ZNRF3: variants seen among roughly 807,000 people sequenced by gnomAD.
The protein encoded by ZNRF3 is E3 ubiquitin-protein ligase ZNRF3.
In ZNRF3, 23 loss-of-function variants were observed where a neutral mutation model predicts 72.5. That is an observed-to-expected ratio of 0.32 (90% CI 0.23 to 0.45). The LOEUF is 0.45. Ranked by LOEUF, ZNRF3 falls within the 20% of genes least tolerant of loss-of-function variation. ZNRF3 has a pLI of 1.00. For missense variants in ZNRF3, 1,169 were observed against 1,272.1 expected (o/e 0.92, Z 1.23); for synonymous variants, 610 against 545.3 (o/e 1.12, Z -1.65).
chr22:29,032,138 CTCCA>C, intron 2 of ZNRF3, among the ~76,000 whole-genome samples: 1 of 152,344 alleles, frequency 6.6e-6, no homozygotes, highest in South Asian at 2.1e-4. Flanking sequence ...GCAGGATGAA[CTCCA>C]TCAGTCTTTT....
At chr22:28,903,818 T>C (rs132534) in intron 1 of ZNRF3, among the ~76,000 whole-genome samples, 100,698 of 151,950 alleles carry the variant, frequency 0.66, 34,402 homozygotes, top group Admixed American at 0.76. Flanking sequence ...ACTGGGAACT[T>C]GTCCTGGATT....
chr22:28,975,253 C>T (rs1425265359), intron 1 of ZNRF3, among the ~76,000 whole-genome samples: 1 of 152,020 alleles, frequency 6.6e-6, no homozygotes, highest in Non-Finnish European at 1.5e-5. Context: ...CCTGTAATCC[C>T]AGCACTTTGG....
At chr22:28,960,965 T>C (rs2035347916) in intron 1 of ZNRF3, among the ~76,000 whole-genome samples, 1 of 152,242 alleles carries the variant, frequency 6.6e-6, no homozygotes, top group Non-Finnish European at 1.5e-5. Context: ...GTTTATCTTT[T>C]TAACATAAAG....
At chr22:29,038,983 C>G (rs1007505119) in intron 2 of ZNRF3, among the ~76,000 whole-genome samples, 6 of 150,894 alleles carry the variant, frequency 4.0e-5, no homozygotes, top group African/African-American at 4.9e-5. Context: ...GAGAGAGAGA[C>G]AGATTCAAAC....
chr22:28,924,504 C>G (rs1440394670), intron 1 of ZNRF3, among the ~76,000 whole-genome samples: 1 of 152,004 alleles, frequency 6.6e-6, no homozygotes, highest in East Asian at 1.9e-4. Flanking sequence ...CATCTCAGTG[C>G]TTTGGGAGGT....
chr22:29,017,641 G>C (rs1221926461), intron 2 of ZNRF3, among the ~76,000 whole-genome samples: 1 of 152,070 alleles, frequency 6.6e-6, no homozygotes, highest in Non-Finnish European at 1.5e-5. Flanking sequence ...CATATCATTT[G>C]TCATCCAAGC....
intron 1 of ZNRF3, among the ~76,000 whole-genome samples, chr22:28,896,722 A>G (rs942350259): frequency 2.0e-5 from 3 of 152,254 alleles, no homozygotes; most frequent in African/African-American, 7.2e-5. Flanking sequence ...GGTGGTGAGC[A>G]GACAGCTAAT....
At position 28,987,209 on chromosome 22, in the gene ZNRF3, C is replaced by T; in HGVS notation, c.426+8C>T. On this transcript the variant is annotated splice_region_variant and intron_variant, in intron 2 of 8. Transcript: ENST00000544604. ...CTCACTGTCCTAGGCAAGGTAAGCA[C>T]CAGGCCCTTGGAATCACTGTGTTTC... 6.2e-7 allele frequency: 1 copy of T among 1,604,850 alleles called. No homozygotes were observed. Among genetic ancestry groups the T allele is most frequent in the South Asian group, 1.1e-5 (1 of 89,002 alleles).
chr22:28,953,386 G>A (rs1053917391), intron 1 of ZNRF3, among the ~76,000 whole-genome samples: 6 of 152,178 alleles, frequency 3.9e-5, no homozygotes, highest in Admixed American at 2.6e-4. Flanking sequence ...TGAGGCCACA[G>A]CCTGTGAGAA....
chr22:28,897,349 C>G (rs1169177452), intron 1 of ZNRF3, among the ~76,000 whole-genome samples: 1 of 152,218 alleles, frequency 6.6e-6, no homozygotes, highest in Non-Finnish European at 1.5e-5. Context: ...CAGAATCTCA[C>G]TCTGTCACCC....
Position 28,941,835 on chromosome 22 carries a change from C to T in ZNRF3, c.301-45241C>T, listed in dbSNP as rs372462585. Among the ~76,000 whole-genome samples, 216 of 152,002 alleles carry T rather than the reference C, an allele frequency of 1.4e-3. 2 individuals carry two copies. The highest frequency in any genetic ancestry group is 4.7e-3 in the African/African-American group (194 of 41,456). On this transcript the variant is annotated intron_variant, in intron 1 of 8. Transcript: ENST00000544604. ...CTGAGGTGGGAGAATCTCTTGAACC[C>T]GGGAGGTGGAAGGGGAGGCTGAGGT...
intron 1 of ZNRF3, among the ~76,000 whole-genome samples, chr22:28,945,086 G>A (rs1181956498): frequency 2.6e-5 from 4 of 151,632 alleles, no homozygotes; most frequent in Non-Finnish European, 5.9e-5. Flanking sequence ...GGGAGGCTGA[G>A]GTGGGTGGAT....
rs761341292 is a variant in ZNRF3 at position 29,049,542 on chromosome 22, G to A, written c.1361G>A (p.Arg454His). ...TTCCGCAGGCCCAAGTTGAGTGGCC[G>A]CAGCTTCTCCAAGGCAGCTTGCTTC... ...HPFRRPKLSG[R>H]SFSKAACFSQ... is the part of the protein sequence containing the mutation. Residue 454 changes from arginine to histidine, a missense_variant, in exon 8 of 9, where the codon CGC becomes CAC. By Grantham distance (29) the Arg-to-His change is conservative. Coordinates refer to ENST00000544604, the MANE Select transcript of ZNRF3 (RefSeq NM_001206998.2). The surrounding 1 kb of genome is among the most constrained non-coding windows in gnomAD (Gnocchi z 5.2). The A allele has an allele frequency of 3.1e-6, 5 of 1,604,130 alleles. No homozygotes were observed. Among genetic ancestry groups the A allele is most frequent in the Admixed American group, 1.7e-5 (1 of 59,740 alleles).
chr22:28,944,515 G>A (rs2035010809), intron 1 of ZNRF3, among the ~76,000 whole-genome samples: 1 of 152,190 alleles, frequency 6.6e-6, no homozygotes, highest in African/African-American at 2.4e-5. Context: ...AGCACTCTGG[G>A]AGGCCGAGGC....
intron 1 of ZNRF3, among the ~76,000 whole-genome samples, chr22:28,893,794 G>A (rs1311928277): frequency 6.7e-6 from 1 of 150,114 alleles, no homozygotes; most frequent in Non-Finnish European, 1.5e-5. Flanking sequence ...CACTGTGCCC[G>A]GCCTGCCTTG....
intron 2 of ZNRF3, among the ~76,000 whole-genome samples, chr22:28,989,123 C>T (rs993211590): frequency 1.3e-5 from 2 of 152,166 alleles, no homozygotes; most frequent in Admixed American, 6.5e-5. Context: ...GATGCAGGGG[C>T]CCAGAAGCTG....
At chr22:29,009,040 C>T (rs1227772954) in intron 2 of ZNRF3, among the ~76,000 whole-genome samples, 1 of 152,190 alleles carries the variant, frequency 6.6e-6, no homozygotes, top group Non-Finnish European at 1.5e-5. Flanking sequence ...AGCAGCTTTG[C>T]AGTGCCCACA....
chr22:28,908,178 A>G (rs564969018), intron 1 of ZNRF3, among the ~76,000 whole-genome samples: 1 of 152,392 alleles, frequency 6.6e-6, no homozygotes, highest in Admixed American at 6.5e-5. Context: ...ATGGTTTGGA[A>G]GAAAGCAAAA....
chr22:29,019,086 T>A (rs761706726), intron 2 of ZNRF3, among the ~76,000 whole-genome samples: 7 of 151,816 alleles, frequency 4.6e-5, no homozygotes, highest in Non-Finnish European at 1.0e-4. Flanking sequence ...CCCAGGCTTC[T>A]TACATGATAG....
Sources: gnomAD v4.1 joint callset for allele counts (sites outside exome capture counted in the v4.1 genomes callset) on GRCh38, gnomAD v4.1.1 for gene constraint, Gnocchi (gnomAD v3.1) non-coding constraint, MANE v1.5 for transcripts, NCBI Gene and HGNC (gene_info 2026-07-23, HGNC 2026-07-21) for gene names.